The following RIMBP2 variants were observed in gnomAD, a reference collection of about 807,000 sequenced individuals.
RIMBP2 encodes RIMS binding protein 2.
Under a neutral mutation model 118.6 loss-of-function variants are expected in RIMBP2, and 48 were observed. The observed-to-expected ratio is 0.40, with a 90% CI of 0.32 to 0.51. The LOEUF is 0.51. Ranked by LOEUF, RIMBP2 falls within the 20% of genes least tolerant of loss-of-function variation. RIMBP2 has a pLI of 0.41. For missense variants in RIMBP2, 1,551 were observed against 1,768.3 expected (o/e 0.88, Z 2.20); for synonymous variants, 762 against 742.9 (o/e 1.03, Z -0.42).
At position 130,431,915 on chromosome 12, in the gene RIMBP2, T is replaced by C. The variant is rs1436583067; in HGVS notation, c.2253+2819A>G. On this transcript the variant is annotated intron_variant, in intron 14 of 22. Transcript: ENST00000690449. This position sits in a 1 kb window ranked among gnomAD's most constrained non-coding sequence, Gnocchi z 4.0. ...CACCAGCCACGTGTGGCTGTTTACATGTAAACTAATTAGAATGTAAACTAA... is the reference window on the plus strand; with the variant it reads ...CACCAGCCACGTGTGGCTGTTTACACGTAAACTAATTAGAATGTAAACTAA... 1 of 161,900 alleles carries C rather than the reference T, an allele frequency of 6.2e-6. No individual in the cohort carries two copies. Among genetic ancestry groups the C allele is most frequent in the Non-Finnish European group, 1.3e-5 (1 of 74,684 alleles). 10.0% of individuals were successfully genotyped at this position (161,900 alleles called of 1,614,324 possible). A position where few individuals can be genotyped will look rare whatever the true frequency, so the allele number is the denominator to read the frequency against.
intron 2 of RIMBP2, among the ~76,000 whole-genome samples, chr12:130,532,561 G>C (rs1051195209): frequency 8.3e-5 from 12 of 143,986 alleles, no homozygotes; most frequent in African/African-American, 2.6e-4. Context: ...TAGGAGTTAC[G>C]TCTAATGAGA....
chr12:130,663,258 A>G (rs775212757), intron 1 of RIMBP2, among the ~76,000 whole-genome samples: 70 of 152,302 alleles, frequency 4.6e-4, no homozygotes, highest in Middle Eastern at 3.4e-3. Flanking sequence ...GCTGTCAACC[A>G]TCCTAAAGAC....
At chr12:130,433,317 A>G (rs2077274841) in intron 14 of RIMBP2, among the ~76,000 whole-genome samples, 1 of 152,186 alleles carries the variant, frequency 6.6e-6, no homozygotes, top group Non-Finnish European at 1.5e-5. Flanking sequence ...CGGTGCACAC[A>G]GAGGATGCTA....
intron 4 of RIMBP2, among the ~76,000 whole-genome samples, chr12:130,494,549 GA>G (rs1403919444): frequency 2.0e-5 from 3 of 151,512 alleles, no homozygotes; most frequent in African/African-American, 7.3e-5. Context: ...TGAAGAGGGA[GA>G]ATCGCTTGAA....
chr12:130,702,125 C>G (rs1192325524), intron 1 of RIMBP2, among the ~76,000 whole-genome samples: 1 of 152,098 alleles, frequency 6.6e-6, no homozygotes, highest in South Asian at 2.1e-4. Flanking sequence ...GTTTGCATTA[C>G]AGTGGGGGAG....
At chr12:130,594,377 T>C (rs2059437078) in intron 2 of RIMBP2, among the ~76,000 whole-genome samples, 1 of 152,290 alleles carries the variant, frequency 6.6e-6, no homozygotes, top group Admixed American at 6.5e-5. Flanking sequence ...AGACAGAAGA[T>C]AAGACAGGTA....
At chr12:130,521,475 T>C (rs1443069937) in intron 2 of RIMBP2, among the ~76,000 whole-genome samples, 2 of 152,172 alleles carry the variant, frequency 1.3e-5, no homozygotes, top group Non-Finnish European at 2.9e-5. Flanking sequence ...ATTAACAAGC[T>C]TTTCTACAGC....
intron 2 of RIMBP2, among the ~76,000 whole-genome samples, chr12:130,624,869 C>G (rs764172851): frequency 3.3e-5 from 5 of 152,102 alleles, no homozygotes; most frequent in Admixed American, 6.5e-5. Flanking sequence ...GGATTACAGG[C>G]ACACGACCCC....
chr12:130,584,822 T>G (rs1180575530), intron 2 of RIMBP2, among the ~76,000 whole-genome samples: 1 of 62,198 alleles, frequency 1.6e-5, no homozygotes, highest in Non-Finnish European at 5.4e-5. Context: ...CTCTTTTCTT[T>G]GTAACTACTT....
intron 1 of RIMBP2, among the ~76,000 whole-genome samples, chr12:130,708,636 G>A (rs935091509): frequency 6.6e-6 from 1 of 152,026 alleles, no homozygotes; most frequent in African/African-American, 2.4e-5. Flanking sequence ...CAGTGAACCG[G>A]GATTATGCCA....
chr12:130,615,955 G>A lies in RIMBP2; in HGVS notation c.-217+12367C>T, dbSNP rs563481137. Among the ~76,000 whole-genome samples the A allele has an allele frequency of 5.9e-5, 9 of 152,124 alleles. No individual in the cohort carries two copies. The East Asian group carries it at 1.4e-3, about 23-fold the overall frequency. On this transcript the variant is annotated intron_variant, in intron 2 of 22. Transcript: ENST00000690449. ...CGCCTCTTAGATGCCCTCCTGCTCC[G>A]GGCGGGGACGTGGTCTGGACAACAG...
At chr12:130,632,674 T>C (rs865860450) in intron 1 of RIMBP2, among the ~76,000 whole-genome samples, 2 of 152,184 alleles carry the variant, frequency 1.3e-5, no homozygotes, top group South Asian at 2.1e-4. Flanking sequence ...CTAATGATGA[T>C]AGGGCATAAA....
chr12:130,559,284 T>A (rs1269643668), intron 2 of RIMBP2, among the ~76,000 whole-genome samples: 1 of 152,202 alleles, frequency 6.6e-6, no homozygotes, highest in East Asian at 1.9e-4. Context: ...ATAGATATTT[T>A]GTATCCTTCC....
chr12:130,407,650 G>T, intron 20 of RIMBP2, 76 bp downstream of exon 20: 3 of 1,115,994 alleles, frequency 2.7e-6, no homozygotes, highest in African/African-American at 1.5e-5. Context: ...AACACACGTG[G>T]CCTCAGTGTG....
chr12:130,418,555 C>T (rs12304122), intron 17 of RIMBP2, among the ~76,000 whole-genome samples: 12,779 of 152,076 alleles, frequency 0.084, 735 homozygotes, highest in South Asian at 0.2. Flanking sequence ...GTTCCAGGTA[C>T]GGAAAAATGC....
chr12:130,559,842 G>A (rs1353085227), intron 2 of RIMBP2, among the ~76,000 whole-genome samples: 6 of 152,172 alleles, frequency 3.9e-5, no homozygotes, highest in East Asian at 1.9e-4. Context: ...AGATGACCTC[G>A]AGCAAGCTAC....
intron 2 of RIMBP2, among the ~76,000 whole-genome samples, chr12:130,600,325 G>A (rs957744762): frequency 5.3e-5 from 8 of 152,096 alleles, no homozygotes; most frequent in African/African-American, 1.4e-4. Context: ...TGACGTCTCC[G>A]ACCAGAAACA....
chr12:130,538,858 G>A (rs1487883877), intron 2 of RIMBP2, among the ~76,000 whole-genome samples: 1 of 151,058 alleles, frequency 6.6e-6, no homozygotes, highest in Non-Finnish European at 1.5e-5. Context: ...ATTGCCTGGG[G>A]ATCGGGTGGT....
At chr12:130,666,122 T>C (rs775709278) in intron 1 of RIMBP2, among the ~76,000 whole-genome samples, 7 of 152,090 alleles carry the variant, frequency 4.6e-5, no homozygotes, top group Non-Finnish European at 1.0e-4. Context: ...AAGTGTGAAA[T>C]TATAGCAAAA....
Sources: gnomAD v4.1 joint callset for allele counts (sites outside exome capture counted in the v4.1 genomes callset) on GRCh38, gnomAD v4.1.1 for gene constraint, Gnocchi (gnomAD v3.1) non-coding constraint, MANE v1.5 for transcripts, NCBI Gene and HGNC (gene_info 2026-07-23, HGNC 2026-07-21) for gene names.